Variants in ARHGAP35 observed in about 807,000 individuals in gnomAD.
ARHGAP35 encodes the protein rho GTPase-activating protein 35.
A neutral mutation model predicts 111.1 loss-of-function variants in ARHGAP35; 15 were observed. The ratio of observed to expected loss-of-function variants is 0.13; its 90% CI spans 0.09 to 0.21. The LOEUF (loss-of-function observed/expected upper bound fraction) is 0.21, where lower values mean the gene tolerates loss of function less well. Among genes scored for constraint, ARHGAP35 ranks in the 10% least tolerant of loss-of-function variants. ARHGAP35 has a pLI of 1.00. For missense variants in ARHGAP35, 1,262 were observed against 1,873.0 expected (o/e 0.67, Z 6.02); for synonymous variants, 643 against 710.3 (o/e 0.91, Z 1.51).
chr19:46,878,061 G>T (rs2122128827), intron 1 of ARHGAP35, among the ~76,000 whole-genome samples: 2 of 151,754 alleles, frequency 1.3e-5, no homozygotes, highest in Middle Eastern at 3.4e-3. Context: ...TTCCTTTGTT[G>T]CCCAGGCTAG....
chr19:47,000,725 C>G lies in ARHGAP35; in HGVS notation c.*37C>G, dbSNP rs1172524229. On this transcript the variant is annotated 3_prime_UTR_variant, in exon 7 of 7. Coordinates refer to ENST00000672722, the MANE Select transcript of ARHGAP35 (RefSeq NM_004491.5). The surrounding 1 kb of genome is among the most constrained non-coding windows in gnomAD (Gnocchi z 6.9). ...CTGGGGCGACAGGAGAACCGGTCCT[C>G]TCTCTGACGGGGTGGCATTTGGCCT... 54 of 1,532,126 alleles carry G rather than the reference C, an allele frequency of 3.5e-5. No individual in the cohort carries two copies. Among genetic ancestry groups the G allele is most frequent in the Non-Finnish European group, 4.6e-5 (52 of 1,137,644 alleles). The allele number at this position is 1,532,126 out of a possible 1,614,324, so 94.9% of individuals were successfully genotyped here. A position where few individuals can be genotyped will look rare whatever the true frequency, so the allele number is the denominator to read the frequency against.
chr19:46,899,185 A>T (rs2056071996), intron 1 of ARHGAP35, among the ~76,000 whole-genome samples: 1 of 152,136 alleles, frequency 6.6e-6, no homozygotes, highest in South Asian at 2.1e-4. Flanking sequence ...GCATTATTTT[A>T]CACTGATAAC....
At position 46,920,877 on chromosome 19, in the gene ARHGAP35, C is replaced by T. The variant is rs1599818821; in HGVS notation, c.2202C>T (p.Asp734=). ...GCAAACTTCAGTGTGTCTTTCTCGA[C>T]CCTGCTTCTGCTGGCATTGGTTACG... ...IASKLQCVFL[D]PASAGIGYGR... is the part of the protein sequence containing the mutation. Residue 734 remains aspartate (D), a synonymous_variant, in exon 2 of 7, where the codon GAC becomes GAT. Transcript: ENST00000672722. The surrounding 1 kb of genome is among the most constrained non-coding windows in gnomAD (Gnocchi z 7.0). The T allele has an allele frequency of 6.2e-7, 1 of 1,613,916 alleles. No homozygotes were observed. Among genetic ancestry groups the T allele is most frequent in the Non-Finnish European group, 8.5e-7 (1 of 1,179,854 alleles).
chr19:46,903,854 T>A (rs1384013652), intron 1 of ARHGAP35, among the ~76,000 whole-genome samples: 1 of 152,188 alleles, frequency 6.6e-6, no homozygotes, highest in African/African-American at 2.4e-5. Flanking sequence ...TTCTTAGTTA[T>A]TTTTGGGCTC....
At chr19:46,923,889 C>G (rs1436793661) in intron 2 of ARHGAP35, among the ~76,000 whole-genome samples, 1 of 150,694 alleles carries the variant, frequency 6.6e-6, no homozygotes, top group Non-Finnish European at 1.5e-5. Context: ...ACACTGTATT[C>G]CAGCTTGGGC....
intron 2 of ARHGAP35, among the ~76,000 whole-genome samples, chr19:46,923,217 G>T (rs2056215345): frequency 6.6e-6 from 1 of 150,412 alleles, no homozygotes; most frequent in Non-Finnish European, 1.5e-5. Flanking sequence ...CCATTCTCCT[G>T]CCTCAGCCTG....
At chr19:46,888,315 T>A (rs1165545314) in intron 1 of ARHGAP35, among the ~76,000 whole-genome samples, 61 of 55,438 alleles carry the variant, frequency 1.1e-3, no homozygotes, top group African/African-American at 3.7e-3. Flanking sequence ...TATATATATA[T>A]ATAAAATATT....
Position 46,935,761 on chromosome 19 carries a change from A to G in ARHGAP35, c.3682-1503A>G, listed in dbSNP as rs549806520. On this transcript the variant is annotated intron_variant, in intron 2 of 6. Transcript: ENST00000672722. ...TCCTATTTGGTTACTTTTCTTTTTT[A>G]GTAGATATTTTAACAAAAGGCCAAA... Among the ~76,000 whole-genome samples the G allele has an allele frequency of 4.6e-5, 7 of 152,270 alleles. 1 individual carries two copies. Among genetic ancestry groups the G allele is most frequent in the African/African-American group, 1.7e-4 (7 of 41,558 alleles).
chr19:46,874,521 T>TTA (rs1267803245), intron 1 of ARHGAP35, among the ~76,000 whole-genome samples: 1 of 148,508 alleles, frequency 6.7e-6, no homozygotes. Flanking sequence ...TTTTTTTTTT[T>TTA]GAGTCGGAGT....
intron 3 of ARHGAP35, among the ~76,000 whole-genome samples, chr19:46,941,620 G>T (rs1482779639): frequency 6.7e-6 from 1 of 149,198 alleles, no homozygotes; most frequent in Non-Finnish European, 1.5e-5. Context: ...CTGTTGCCCA[G>T]TCTGGAGTGC....
At chr19:46,875,480 C>T (rs1294061659) in intron 1 of ARHGAP35, among the ~76,000 whole-genome samples, 2 of 152,074 alleles carry the variant, frequency 1.3e-5, no homozygotes, top group Non-Finnish European at 2.9e-5. Flanking sequence ...TTTCAGTCTT[C>T]AGATTCTTGG....
At chr19:46,879,751 T>C (rs1169776817) in intron 1 of ARHGAP35, among the ~76,000 whole-genome samples, 1 of 147,546 alleles carries the variant, frequency 6.8e-6, no homozygotes, top group Non-Finnish European at 1.5e-5. Context: ...AGCATTGCAC[T>C]CCAGCCTGGG....
rs1283152201 is a variant in ARHGAP35, at chr19:46,972,505, G to C, written c.3827-15484G>C. Among the ~76,000 whole-genome samples, 4 of 152,328 alleles carry C rather than the reference G, an allele frequency of 2.6e-5. No homozygotes were observed. The East Asian group carries it at 7.7e-4, about 29-fold the overall frequency. ...GGGAAGTGCTCTTTCTTTAGACTTAGGCGTGCGGCGCACAGCCTTTCGTGA... is the reference window on the plus strand; with the variant it reads ...GGGAAGTGCTCTTTCTTTAGACTTACGCGTGCGGCGCACAGCCTTTCGTGA... On this transcript the variant is annotated intron_variant, in intron 3 of 6. Transcript: ENST00000672722.
chr19:46,938,662 A>ATTT, intron 3 of ARHGAP35, among the ~76,000 whole-genome samples: 1 of 115,036 alleles, frequency 8.7e-6, no homozygotes. Flanking sequence ...CGAAGATAGC[A>ATTT]TTTTTTTTTT....
Position 46,988,335 on chromosome 19 carries a change from C to T in ARHGAP35, c.3904+269C>T. 1 of 443,142 alleles carries T rather than the reference C, an allele frequency of 2.3e-6. No homozygotes were observed. Among genetic ancestry groups the T allele is most frequent in the Non-Finnish European group, 4.2e-6 (1 of 237,992 alleles). The allele number at this position is 443,142 out of a possible 1,614,324, so 27.5% of individuals were successfully genotyped here. A position where few individuals can be genotyped will look rare whatever the true frequency, so the allele number is the denominator to read the frequency against. ...ACTCACAGATGCTCTTCCAGGTTGC[C>T]CGGGCACATGCCTCCCTCACCACAC... On this transcript the variant is annotated intron_variant, in intron 4 of 6. Coordinates refer to ENST00000672722, the MANE Select transcript of ARHGAP35 (RefSeq NM_004491.5). This position sits in a 1 kb window ranked among gnomAD's most constrained non-coding sequence, Gnocchi z 5.4.
intron 1 of ARHGAP35, among the ~76,000 whole-genome samples, chr19:46,880,947 CTT>C (rs1206653160): frequency 7.0e-5 from 8 of 113,678 alleles, no homozygotes; most frequent in Admixed American, 8.9e-5. Context: ...AATGAATGTT[CTT>C]TTTTTTTTTT....
At position 46,945,635 on chromosome 19, in the gene ARHGAP35, C is replaced by T. The variant is rs1054893648; in HGVS notation, c.3826+8227C>T. ...CCAAGTGTCGTCACACCTGCCCACC[C>T]GGGACGGTCTCAGCGTTCTGGAGAC... On this transcript the variant is annotated intron_variant, in intron 3 of 6. Transcript: ENST00000672722. This position sits in a 1 kb window ranked among gnomAD's most constrained non-coding sequence, Gnocchi z 4.1. 2.0e-5 allele frequency among the ~76,000 whole-genome samples: 3 copies of T among 152,126 alleles called. No homozygotes were observed. Among genetic ancestry groups the T allele is most frequent in the East Asian group, 1.9e-4 (1 of 5,186 alleles).
Position 46,923,748 on chromosome 19 carries a change from A to G in ARHGAP35, c.3681+1392A>G, listed in dbSNP as rs112537402. On this transcript the variant is annotated intron_variant, in intron 2 of 6. Transcript: ENST00000672722. ...AGCCTGGCCAACATGGTGAAACCCT[A>G]TCTCTACTAAAAAAGTACAAAAATT... 2.2e-3 allele frequency among the ~76,000 whole-genome samples: 337 copies of G among 151,718 alleles called. 2 individuals carry two copies. The highest frequency in any genetic ancestry group is 0.014 in the Middle Eastern group (4 of 294).
chr19:46,922,365 C>T lies in ARHGAP35; in HGVS notation c.3681+9C>T. On this transcript the variant is annotated intron_variant, in intron 2 of 6. Coordinates refer to ENST00000672722, the MANE Select transcript of ARHGAP35 (RefSeq NM_004491.5). This position sits in a 1 kb window ranked among gnomAD's most constrained non-coding sequence, Gnocchi z 4.0. ...TAAGGAGGAACACTAAGGTAAGACA[C>T]CAGTCTAGGATTAGTCATAGTGTTT... The T allele has an allele frequency of 4.4e-6, 7 of 1,573,978 alleles. No individual in the cohort carries two copies. The highest frequency in any genetic ancestry group is 4.3e-6 in the Non-Finnish European group (5 of 1,160,784).
Sources: gnomAD v4.1 joint callset for allele counts (sites outside exome capture counted in the v4.1 genomes callset) on GRCh38, gnomAD v4.1.1 for gene constraint, Gnocchi (gnomAD v3.1) non-coding constraint, MANE v1.5 for transcripts, NCBI Gene and HGNC (gene_info 2026-07-23, HGNC 2026-07-21) for gene names.